The following VPS35L variants were observed in gnomAD, a reference collection of about 807,000 sequenced individuals.
The protein encoded by VPS35L is VPS35 endosomal protein sorting factor like.
Under a neutral mutation model 133.0 loss-of-function variants are expected in VPS35L, and 83 were observed. That is an observed-to-expected ratio of 0.62 (90% CI 0.52 to 0.75). The LOEUF is 0.75. Among genes scored for constraint, VPS35L ranks in the 30% least tolerant of loss-of-function variants. The pLI is 0.00. For missense variants in VPS35L, 1,083 were observed against 1,206.8 expected (o/e 0.90, Z 1.52); for synonymous variants, 423 against 449.9 (o/e 0.94, Z 0.76).
Position 19,700,463 on chromosome 16 carries a change from A to G in VPS35L, c.2879A>G (p.Gln960Arg). 1 of 1,614,154 alleles carries G rather than the reference A, an allele frequency of 6.2e-7. No homozygotes were observed. The highest frequency in any genetic ancestry group is 1.1e-5 in the South Asian group (1 of 91,080). Residue 960 changes from glutamine to arginine, a missense_variant, in exon 31 of 31, where the codon CAA becomes CGA. Coordinates refer to ENST00000417362, the MANE Select transcript of VPS35L (RefSeq NM_020314.7). Reference protein sequence around the residue: ...LTELALRLPLQTRT With the variant: ...LTELALRLPLRTRT ...GAGCTGGCCCTCAGACTCCCTCTGC[A>G]AACAAGGACCTGACCCCCGGGCCCA...
chr16:19,692,387 G>C (rs1975724383), intron 29 of VPS35L, among the ~76,000 whole-genome samples: 1 of 152,186 alleles, frequency 6.6e-6, no homozygotes, highest in South Asian at 2.1e-4. Context: ...TGTAGATGCT[G>C]TGTTTATTTC....
In VPS35L at chr16:19,699,449, G is replaced by A. The variant is rs544019582; in HGVS notation, c.2647-53G>A. ...TCAGCACTGTCCACAGCATCTCTGCGGGGCACGGCCTGAGCCCCAGTGCAA... is the reference window on the plus strand; with the variant it reads ...TCAGCACTGTCCACAGCATCTCTGCAGGGCACGGCCTGAGCCCCAGTGCAA... On this transcript the variant is annotated intron_variant, in intron 29 of 30. Coordinates refer to ENST00000417362, the MANE Select transcript of VPS35L (RefSeq NM_020314.7). The surrounding 1 kb of genome is among the most constrained non-coding windows in gnomAD (Gnocchi z 4.2). The A allele has an allele frequency of 7.0e-5, 113 of 1,607,298 alleles. No homozygotes were observed. The African/African-American group carries it at 7.2e-4, about 10-fold the overall frequency.
At chr16:19,613,327 T>C (rs1972785321) in intron 12 of VPS35L, among the ~76,000 whole-genome samples, 1 of 151,624 alleles carries the variant, frequency 6.6e-6, no homozygotes, top group Non-Finnish European at 1.5e-5. Flanking sequence ...AGAGACAGCC[T>C]GTGTATTAGT....
intron 26 of VPS35L, 53 bp downstream of exon 26, chr16:19,652,143 G>T (rs199905190): frequency 2.3e-6 from 3 of 1,280,954 alleles, no homozygotes; most frequent in South Asian, 1.3e-5. Context: ...TAGGAAAACT[G>T]ACTCAGGTGT....
chr16:19,647,738 C>A, intron 23 of VPS35L, 46 bp from the exon 24 acceptor site: 1 of 1,490,788 alleles, frequency 6.7e-7, no homozygotes, highest in Non-Finnish European at 9.4e-7. Context: ...TGCGTTCTCT[C>A]TAAAAATACC....
intron 6 of VPS35L, chr16:19,579,803 A>G (rs1349437368): frequency 6.6e-6 from 1 of 152,204 alleles, no homozygotes; most frequent in Non-Finnish European, 1.5e-5. Flanking sequence ...TATGGCCCAC[A>G]GGAATCTTTT....
intron 14 of VPS35L, among the ~76,000 whole-genome samples, chr16:19,618,303 G>A (rs1972963614): frequency 6.6e-6 from 1 of 152,010 alleles, no homozygotes; most frequent in African/African-American, 2.4e-5. Context: ...CCACTTTTAC[G>A]AATTTATCCT....
intron 7 of VPS35L, 194 bp downstream of exon 7, chr16:19,581,847 A>ATGTGCAGTGCACAACC: frequency 3.0e-6 from 2 of 674,248 alleles, no homozygotes; most frequent in Non-Finnish European, 4.9e-6. Flanking sequence ...CAGGGTTACC[A>ATGTGCAGTGCACAACC]TGTGCAGCTG....
intron 6 of VPS35L, among the ~76,000 whole-genome samples, chr16:19,580,263 G>T (rs568976467): frequency 6.0e-5 from 9 of 150,254 alleles, no homozygotes; most frequent in African/African-American, 2.2e-4. Flanking sequence ...ACAGGCACGC[G>T]CCACCGTGCC....
At chr16:19,660,677 T>C (rs999247570) in intron 26 of VPS35L, among the ~76,000 whole-genome samples, 5 of 152,206 alleles carry the variant, frequency 3.3e-5, no homozygotes, top group African/African-American at 1.2e-4. Context: ...ATACAAAAGG[T>C]TGCATTTACT....
intron 9 of VPS35L, among the ~76,000 whole-genome samples, chr16:19,602,882 G>T (rs1390153311): frequency 2.0e-5 from 3 of 151,396 alleles, no homozygotes; most frequent in African/African-American, 7.3e-5. Context: ...GGGATTATAG[G>T]CATGAGCAAC....
At chr16:19,565,984 T>C (rs1312053386) in intron 2 of VPS35L, among the ~76,000 whole-genome samples, 1 of 152,168 alleles carries the variant, frequency 6.6e-6, no homozygotes, top group Non-Finnish European at 1.5e-5. Flanking sequence ...TAGCAAGTAA[T>C]AGAAACTACA....
At chr16:19,638,112 C>T (rs573493950) in intron 20 of VPS35L, among the ~76,000 whole-genome samples, 1 of 152,256 alleles carries the variant, frequency 6.6e-6, no homozygotes, top group East Asian at 1.9e-4. Flanking sequence ...AAATATCCTG[C>T]GATGTCTGTT....
In VPS35L at chr16:19,570,872, TATATATA is replaced by T. The variant is rs1567388694; in HGVS notation, c.285+1282_285+1288del. On this transcript the variant is annotated intron_variant, in intron 3 of 30. Transcript: ENST00000417362. ...ATATATATATATATATATATATATA[TATATATA>T]TATATATATATTTTTGAGATGAAGT... 8.7e-4 allele frequency among the ~76,000 whole-genome samples: 80 copies of T among 92,360 alleles called. 2 individuals are homozygous for T. The highest frequency in any genetic ancestry group is 4.3e-3 in the African/African-American group (80 of 18,504). The allele number at this position is 92,360 out of a possible 152,430, so 60.6% of individuals were successfully genotyped here.
chr16:19,672,959 C>A (rs953606982), intron 27 of VPS35L, among the ~76,000 whole-genome samples: 2 of 152,130 alleles, frequency 1.3e-5, no homozygotes, highest in African/African-American at 4.8e-5. Flanking sequence ...ATCACTGGAG[C>A]CTTTTTGAAA....
chr16:19,674,880 G>A (rs1043436807), intron 27 of VPS35L, among the ~76,000 whole-genome samples: 10 of 151,978 alleles, frequency 6.6e-5, no homozygotes, highest in African/African-American at 2.2e-4. Context: ...GTTACATATG[G>A]CAGAATTTCC....
intron 29 of VPS35L, among the ~76,000 whole-genome samples, chr16:19,691,990 T>A (rs1018422171): frequency 6.6e-6 from 1 of 152,020 alleles, no homozygotes; most frequent in Non-Finnish European, 1.5e-5. Flanking sequence ...TTCTCCTGCC[T>A]CAGCCTCCCA....
chr16:19,688,805 T>C (rs957657741), intron 28 of VPS35L, among the ~76,000 whole-genome samples: 4 of 152,188 alleles, frequency 2.6e-5, no homozygotes, highest in Non-Finnish European at 4.4e-5. Context: ...TGTGAGCTCA[T>C]GTGGGTGTGG....
Position 19,699,423 on chromosome 16 carries a change from G to T in VPS35L, c.2647-79G>T. On this transcript the variant is annotated intron_variant, in intron 29 of 30. Coordinates refer to ENST00000417362, the MANE Select transcript of VPS35L (RefSeq NM_020314.7). The surrounding 1 kb of genome is among the most constrained non-coding windows in gnomAD (Gnocchi z 4.2). ...GAACTCAGGCATGACCTACCCCAGA[G>T]TCAGCACTGTCCACAGCATCTCTGC... is the stretch of plus-strand genomic sequence containing the variant. 1 of 1,561,292 alleles carries T rather than the reference G, an allele frequency of 6.4e-7. No individual in the cohort carries two copies. Among genetic ancestry groups the T allele is most frequent in the Non-Finnish European group, 8.7e-7 (1 of 1,145,974 alleles).
Sources: allele counts gnomAD v4.1 joint callset (sites outside exome capture counted in the v4.1 genomes callset), GRCh38; gene constraint gnomAD v4.1.1; non-coding constraint Gnocchi (gnomAD v3.1); transcripts MANE v1.5; gene names NCBI Gene and HGNC (gene_info 2026-07-23, HGNC 2026-07-21).